Variants in BCL11A observed in about 807,000 individuals in gnomAD.
BCL11A encodes BCL11 transcription factor A.
A neutral mutation model predicts 55.9 loss-of-function variants in BCL11A; 2 were observed. The observed-to-expected ratio is 0.04, with a 90% CI of 0.01 to 0.11. The LOEUF is 0.11. Ranked by LOEUF, BCL11A falls within the 10% of genes least tolerant of loss-of-function variation. BCL11A has a pLI of 1.00. For synonymous variants in BCL11A, 465 were observed against 473.4 expected (o/e 0.98, Z 0.23); for missense variants, 817 against 1,137.1 (o/e 0.72, Z 4.05).
chr2:60,537,089 G>A (rs907875554), intron 2 of BCL11A: 100 of 152,314 alleles, frequency 6.6e-4, no homozygotes, highest in African/African-American at 2.3e-3. Flanking sequence ...CTGCTCAAAT[G>A]TTTTAGTTAA....
At chr2:60,541,796 C>G (rs1365619543) in intron 2 of BCL11A, 1 of 580,902 alleles carries the variant, frequency 1.7e-6, no homozygotes, top group African/African-American at 2.0e-5. Flanking sequence ...AGAAGTCAGT[C>G]GTTTTTATTC....
intron 2 of BCL11A, among the ~76,000 whole-genome samples, chr2:60,528,736 C>T (rs1209466051): frequency 6.6e-6 from 1 of 152,198 alleles, no homozygotes; most frequent in Non-Finnish European, 1.5e-5. Context: ...CCTCCTCTAC[C>T]AAATGAGGCT....
In BCL11A at chr2:60,546,797, C is replaced by G. The variant is rs1366403813; in HGVS notation, c.56-497G>C. Among the ~76,000 whole-genome samples the G allele has an allele frequency of 6.6e-6, 1 of 152,048 alleles. No homozygotes were observed. Among genetic ancestry groups the G allele is most frequent in the African/African-American group, 2.4e-5 (1 of 41,398 alleles). On this transcript the variant is annotated intron_variant, in intron 1 of 3. Transcript: ENST00000642384. This position sits in a 1 kb window ranked among gnomAD's most constrained non-coding sequence, Gnocchi z 4.1. The stretch of plus-strand genomic sequence containing the variant: ...GGAGAGGTGAATAAACACACACACC[C>G]TTTGTGTGTGAATGTATATACTCCT...
At chr2:60,542,104 C>T (rs1443699854) in intron 2 of BCL11A, 7 of 456,966 alleles carry the variant, frequency 1.5e-5, no homozygotes, top group Non-Finnish European at 2.4e-5. Context: ...ACCAGCTATA[C>T]TGTCTAGGCA....
At chr2:60,465,136 C>T (rs1335896600) in intron 3 of BCL11A, among the ~76,000 whole-genome samples, 5 of 152,164 alleles carry the variant, frequency 3.3e-5, no homozygotes, top group Admixed American at 6.5e-5. Context: ...CAGCTCATGC[C>T]GGTGTACCAT....
intron 2 of BCL11A, among the ~76,000 whole-genome samples, chr2:60,516,080 G>A (rs1475278195): frequency 2.0e-5 from 3 of 152,206 alleles, no homozygotes; most frequent in African/African-American, 7.2e-5. Flanking sequence ...AGCAGGGATT[G>A]AAAATCTAGC....
At chr2:60,468,631 T>A (rs534253095) in intron 3 of BCL11A, 101 bp downstream of exon 3, 1 of 819,736 alleles carries the variant, frequency 1.2e-6, no homozygotes, top group East Asian at 2.7e-5. Flanking sequence ...ACAATCTATT[T>A]TGGAAGTAAC....
In BCL11A at chr2:60,462,135, A is replaced by C; in HGVS notation, c.777T>G (p.Phe259Leu). The part of the protein sequence containing the change: ...REASGLAEGR[F>L]PPTPPLFSPP... ...GACTAAACAGGGGGGGAGTGGGTGG[A>C]AAGCGCCCTTCTGCCAGGCCGGAAG... The change falls in exon 4 of 4, where the codon TTT becomes TTG. Residue 259 changes from phenylalanine to leucine, a missense_variant. Phe to Leu is a conservative substitution (Grantham distance 22). This residue lies in a region of BCL11A where 363 missense variants were observed against 486.6 expected (regional missense o/e 0.75). Transcript: ENST00000642384. The C allele has an allele frequency of 6.4e-7, 1 of 1,559,182 alleles. No individual in the cohort carries two copies. Among genetic ancestry groups the C allele is most frequent in the Non-Finnish European group, 8.7e-7 (1 of 1,153,860 alleles).
intron 2 of BCL11A, among the ~76,000 whole-genome samples, chr2:60,493,812 C>T (rs559309531): frequency 6.6e-6 from 1 of 152,282 alleles, no homozygotes; most frequent in African/African-American, 2.4e-5. Flanking sequence ...GACAGCAAAG[C>T]TTCAGTGCAG....
At chr2:60,502,925 T>C (rs1679372627) in intron 2 of BCL11A, among the ~76,000 whole-genome samples, 1 of 152,196 alleles carries the variant, frequency 6.6e-6, no homozygotes, top group Non-Finnish European at 1.5e-5. Flanking sequence ...CTGGTCTGTC[T>C]GGGGCTCCCA....
chr2:60,516,979 A>G (rs1017917892), intron 2 of BCL11A, among the ~76,000 whole-genome samples: 1 of 152,024 alleles, frequency 6.6e-6, no homozygotes. Context: ...ATTATTTAGG[A>G]AGAAGAAGTG....
chr2:60,548,333 T>TC (rs1670245035), intron 1 of BCL11A, among the ~76,000 whole-genome samples: 1 of 150,672 alleles, frequency 6.6e-6, no homozygotes, highest in Non-Finnish European at 1.5e-5. Context: ...TAAGATTCTT[T>TC]TTTTTTTTTT....
chr2:60,481,021 A>G (rs1343495256), intron 2 of BCL11A, among the ~76,000 whole-genome samples: 1 of 152,190 alleles, frequency 6.6e-6, no homozygotes, highest in Non-Finnish European at 1.5e-5. Context: ...GCTGGCTGGA[A>G]GCCCCCAGCT....
chr2:60,492,852 G>A (rs541700048), intron 2 of BCL11A, among the ~76,000 whole-genome samples: 1 of 152,288 alleles, frequency 6.6e-6, no homozygotes, highest in Admixed American at 6.5e-5. Context: ...TACAACAAAA[G>A]TCATTCATTT....
At chr2:60,464,333 TA>T (rs1352916507) in intron 3 of BCL11A, among the ~76,000 whole-genome samples, 1 of 152,206 alleles carries the variant, frequency 6.6e-6, no homozygotes, top group Admixed American at 6.5e-5. Flanking sequence ...CAAAGGGAAA[TA>T]AAAAGCTTCA....
At position 60,553,197 on chromosome 2, in the gene BCL11A, C is replaced by T. The variant is rs1342001399; in HGVS notation, c.55+19G>A. Reference sequence around the variant, plus strand: ...TCGTGATTATTAATAATTATTATTACTATTATTGGGTTACTTACGCGAGAA... The same window carrying T: ...TCGTGATTATTAATAATTATTATTATTATTATTGGGTTACTTACGCGAGAA... On this transcript the variant is annotated intron_variant, in intron 1 of 3. Transcript: ENST00000642384. 2 of 1,594,702 alleles carry T rather than the reference C, an allele frequency of 1.3e-6. No individual in the cohort carries two copies.
At chr2:60,524,143 C>A (rs923836342) in intron 2 of BCL11A, among the ~76,000 whole-genome samples, 1 of 152,218 alleles carries the variant, frequency 6.6e-6, no homozygotes, top group African/African-American at 2.4e-5. Context: ...ATCTATATAT[C>A]ACATTGTGAC....
At chr2:60,543,642 T>C (rs1670022058) in intron 2 of BCL11A, 1 of 152,256 alleles carries the variant, frequency 6.6e-6, no homozygotes, top group South Asian at 2.1e-4. Context: ...GTCGTGATTC[T>C]AGTTACTGAC....
chr2:60,530,285 G>A (rs1252875451), intron 2 of BCL11A, among the ~76,000 whole-genome samples: 1 of 145,964 alleles, frequency 6.9e-6, no homozygotes, highest in Non-Finnish European at 1.5e-5. Context: ...CTCAGCCACC[G>A]ACAGCTTAAT....
Sources: allele counts gnomAD v4.1 joint callset (sites outside exome capture counted in the v4.1 genomes callset), GRCh38; gene constraint gnomAD v4.1.1; regional missense constraint gnomAD v4.1.1; non-coding constraint Gnocchi (gnomAD v3.1); transcripts MANE v1.5; gene names NCBI Gene and HGNC (gene_info 2026-07-23, HGNC 2026-07-21).